ALDH3A1: variants seen among roughly 807,000 people sequenced by gnomAD.
ALDH3A1 encodes aldehyde dehydrogenase 3 family member A1, also known as aldehyde dehydrogenase, dimeric NADP-preferring.
In ALDH3A1, 46 loss-of-function variants were observed where a neutral mutation model predicts 49.9. That is an observed-to-expected ratio of 0.92 (90% CI 0.73 to 1.18). ALDH3A1 has a LOEUF of 1.18. ALDH3A1 is among the 50% of genes most tolerant of loss of function. The pLI, the probability that ALDH3A1 is intolerant of heterozygous loss-of-function variation, is 0.00. For missense variants in ALDH3A1, 592 were observed against 611.8 expected, an observed-to-expected ratio of 0.97 and a Z score of 0.34; for synonymous variants, 269 against 253.3, an observed-to-expected ratio of 1.06 and a Z score of -0.59.
chr17:19,744,448 G>C, intron 2 of ALDH3A1: 2 of 985,396 alleles, frequency 2.0e-6, no homozygotes, highest in Non-Finnish European at 1.2e-6. Context: ...CAGGAGCAAA[G>C]AGGGTAGTCG....
chr17:19,741,375 A>T, intron 5 of ALDH3A1, 165 bp from the exon 6 acceptor site: 2 of 586,726 alleles, frequency 3.4e-6, no homozygotes, highest in Non-Finnish European at 6.1e-6. Flanking sequence ...GACCGAGCAG[A>T]CCCAATGGCC....
rs961582514 is a variant in ALDH3A1 at position 19,740,401 on chromosome 17, A to G, written c.884T>C (p.Met295Thr). 12 of 1,614,142 alleles carry G rather than the reference A, an allele frequency of 7.4e-6. No individual in the cohort carries two copies. Among genetic ancestry groups the G allele is most frequent in the Admixed American group, 5.0e-5 (3 of 60,016 alleles). Residue 295 changes from methionine to threonine, a missense_variant, in exon 7 of 11, where the codon ATG becomes ACG. Met to Thr is a moderately conservative substitution (Grantham distance 81). Coordinates refer to ENST00000225740, the MANE Select transcript of ALDH3A1 (RefSeq NM_000691.5). ...CACCTTCTGGCCCTCAATCAGGCCCATCACCCTCTGGAAGTGCCGGGCACT... is the reference window on the plus strand; with the variant it reads ...CACCTTCTGGCCCTCAATCAGGCCCGTCACCCTCTGGAAGTGCCGGGCACT... ...IISARHFQRVMGLIEGQKVAY... is the reference protein window; with the variant it reads ...IISARHFQRVTGLIEGQKVAY...
intron 4 of ALDH3A1, 149 bp from the exon 5 acceptor site, chr17:19,742,361 C>T (rs991162213): frequency 1.5e-5 from 17 of 1,114,238 alleles, no homozygotes; most frequent in African/African-American, 9.4e-5. Context: ...GGCAGTAGAC[C>T]GCCTTTCCTG....
intron 2 of ALDH3A1, chr17:19,744,386 G>A (rs1279549647): frequency 1.2e-5 from 12 of 970,466 alleles, no homozygotes; most frequent in Non-Finnish European, 1.5e-5. Context: ...CTGGGCGACA[G>A]AGCGAGACTC....
At position 19,739,677 on chromosome 17, in the gene ALDH3A1, G is replaced by A. The variant is rs1291810393; in HGVS notation, c.950-3C>T. 1.6e-5 allele frequency: 26 copies of A among 1,613,302 alleles called. No individual in the cohort carries two copies. Among genetic ancestry groups the A allele is most frequent in the Non-Finnish European group, 1.9e-5 (22 of 1,179,808 alleles). On this transcript the variant is annotated splice_region_variant and splice_polypyrimidine_tract_variant and intron_variant, in intron 7 of 10. Coordinates refer to ENST00000225740, the MANE Select transcript of ALDH3A1 (RefSeq NM_000691.5). The stretch of plus-strand genomic sequence containing the variant: ...CACGTCCGTGAGGATGGTGGGGGCT[G>A]AGGCAGGAAACAAGCCAGAGTTGGA...
At position 19,742,178 on chromosome 17, in the gene ALDH3A1, T is replaced by A; in HGVS notation, c.515A>T (p.Glu172Val). Residue 172 changes from glutamate (E) to valine (V), a missense_variant, in exon 5 of 11, where the codon GAG becomes GTG. Glu to Val is a moderately radical substitution (Grantham distance 121, BLOSUM62 -2). Coordinates refer to ENST00000225740, the MANE Select transcript of ALDH3A1 (RefSeq NM_000691.5). ...LYPVINGGVPETTELLKERFD... is the reference protein window; with the variant it reads ...LYPVINGGVPVTTELLKERFD... ...CCTCTCCTTGAGCAGCTCCGTGGTC[T>A]CAGGGACACCCCCATTGATTACTGG... 6.2e-7 allele frequency: 1 copy of A among 1,614,058 alleles called. No individual in the cohort carries two copies. Among genetic ancestry groups the A allele is most frequent in the Non-Finnish European group, 8.5e-7 (1 of 1,180,014 alleles).
chr17:19,740,184 G>A, intron 7 of ALDH3A1, 152 bp downstream of exon 7: 1 of 969,230 alleles, frequency 1.0e-6, no homozygotes. Flanking sequence ...GCCCCTGCCT[G>A]CTGGAGTCTA....
At chr17:19,746,522 G>A (rs1191959120) in intron 1 of ALDH3A1, among the ~76,000 whole-genome samples, 1 of 151,896 alleles carries the variant, frequency 6.6e-6, no homozygotes, top group Admixed American at 6.6e-5. Context: ...TACTTTCAGC[G>A]AGACTCCATC....
At chr17:19,746,498 G>A (rs1567657034) in intron 1 of ALDH3A1, among the ~76,000 whole-genome samples, 2 of 151,864 alleles carry the variant, frequency 1.3e-5, no homozygotes, top group Admixed American at 1.3e-4. Flanking sequence ...AAGGCCTCGG[G>A]TAAGTAATAT....
At position 19,744,854 on chromosome 17, in the gene ALDH3A1, G is replaced by C. The variant is rs547704613; in HGVS notation, c.162+114C>G. 3.6e-3 allele frequency: 4,960 copies of C among 1,359,384 alleles called. 9 individuals carry two copies. Among genetic ancestry groups the C allele is most frequent in the Admixed American group, 6.7e-3 (194 of 28,976 alleles). 84.2% of individuals were successfully genotyped at this position (1,359,384 alleles called of 1,614,324 possible). A position where few individuals can be genotyped will look rare whatever the true frequency, so the allele number is the denominator to read the frequency against. ...CCCAGTCTCCGCGACCGAGGGGCCA[G>C]GTGGCCCCAAGTCCTTCCTGAACCT... On this transcript the variant is annotated intron_variant, in intron 2 of 10. Transcript: ENST00000225740.
intron 2 of ALDH3A1, chr17:19,744,171 C>CCTCCTGAGGAA (rs1380138829): frequency 4.2e-6 from 4 of 962,156 alleles, no homozygotes; most frequent in Non-Finnish European, 4.9e-6. Flanking sequence ...GCCGAGAACT[C>CCTCCTGAGGAA]CTCCTGAGGA....
At position 19,743,487 on chromosome 17, in the gene ALDH3A1, G is replaced by A; in HGVS notation, c.163-24C>T. 1 of 1,566,654 alleles carries A rather than the reference G, an allele frequency of 6.4e-7. No individual in the cohort carries two copies. The highest frequency in any genetic ancestry group is 1.2e-5 in the South Asian group (1 of 83,292). ...TTCTGCAGCGACAGAGCCGGAGTGA[G>A]CTTCCAGGGCCAGGGCCCGCCTGCA... On this transcript the variant is annotated intron_variant, in intron 2 of 10. Coordinates refer to ENST00000225740, the MANE Select transcript of ALDH3A1 (RefSeq NM_000691.5). The surrounding 1 kb of genome is among the most constrained non-coding windows in gnomAD (Gnocchi z 4.4).
intron 1 of ALDH3A1, among the ~76,000 whole-genome samples, chr17:19,747,012 C>T (rs989845773): frequency 1.3e-5 from 2 of 152,102 alleles, no homozygotes; most frequent in Admixed American, 6.5e-5. Context: ...GGTGCTGCCC[C>T]ACAGAGGGGC....
At chr17:19,744,125 C>T (rs746211822) in intron 2 of ALDH3A1, 33 of 985,260 alleles carry the variant, frequency 3.3e-5, no homozygotes, top group Non-Finnish European at 3.9e-5. Flanking sequence ...AGGCCCGGCG[C>T]TGTGGCTCAT....
chr17:19,739,191 G>T, intron 8 of ALDH3A1, 96 bp from the exon 9 acceptor site: 1 of 1,137,068 alleles, frequency 8.8e-7, no homozygotes, highest in Non-Finnish European at 1.3e-6. Context: ...GAGCCACAAG[G>T]ACAGGAGCAG....
At chr17:19,745,625 G>T (rs538236208) in intron 1 of ALDH3A1, 1 of 152,980 alleles carries the variant, frequency 6.5e-6, no homozygotes, top group African/African-American at 2.4e-5. Context: ...TGGTTTCTTG[G>T]CAGAGCTGAA....
In ALDH3A1 at chr17:19,743,674, G is replaced by T; in HGVS notation, c.163-211C>A. ...GAGGACCCCTTTCTGCCAGAGGGGG[G>T]CCCAGGTAGGTTTGCGGCCCCAGGG... On this transcript the variant is annotated intron_variant, in intron 2 of 10. Transcript: ENST00000225740. The surrounding 1 kb of genome is among the most constrained non-coding windows in gnomAD (Gnocchi z 4.4). The T allele has an allele frequency of 2.0e-6, 2 of 985,338 alleles. No individual in the cohort carries two copies. The highest frequency in any genetic ancestry group is 4.7e-5 in the South Asian group (1 of 21,280). The allele number at this position is 985,338 out of a possible 1,614,324, so 61.0% of individuals were successfully genotyped here. A position where few individuals can be genotyped will look rare whatever the true frequency, so the allele number is the denominator to read the frequency against.
In ALDH3A1 at chr17:19,745,228, C is replaced by G. The variant is rs1009785789; in HGVS notation, c.-5-94G>C. 29 of 1,352,668 alleles carry G rather than the reference C, an allele frequency of 2.1e-5. No individual in the cohort carries two copies. In the African/African-American group the frequency reaches 3.9e-4, roughly 18 times the overall value. 83.8% of individuals were successfully genotyped at this position (1,352,668 alleles called of 1,614,324 possible). A position where few individuals can be genotyped will look rare whatever the true frequency, so the allele number is the denominator to read the frequency against. On this transcript the variant is annotated intron_variant, in intron 1 of 10. Coordinates refer to ENST00000225740, the MANE Select transcript of ALDH3A1 (RefSeq NM_000691.5). The stretch of plus-strand genomic sequence containing the variant: ...TTCTATAGGAAGGGACTTCCCTGGG[C>G]TCGGCCTTGGGGAAAATGGCCTTTC...
chr17:19,742,226 A>C lies in ALDH3A1; in HGVS notation c.481-14T>G. On this transcript the variant is annotated splice_polypyrimidine_tract_variant and intron_variant, in intron 4 of 10. Coordinates refer to ENST00000225740, the MANE Select transcript of ALDH3A1 (RefSeq NM_000691.5). The stretch of plus-strand genomic sequence containing the variant: ...TGGGTACAGATCCTTCCATGCAAGG[A>C]GAGAGGGGAGGCTCAGCAAAGACCA... 2 of 1,612,778 alleles carry C rather than the reference A, an allele frequency of 1.2e-6. No individual in the cohort carries two copies. The highest frequency in any genetic ancestry group is 1.7e-6 in the Non-Finnish European group (2 of 1,179,024).
Sources: gnomAD v4.1 joint callset for allele counts (sites outside exome capture counted in the v4.1 genomes callset) on GRCh38, gnomAD v4.1.1 for gene constraint, Gnocchi (gnomAD v3.1) non-coding constraint, MANE v1.5 for transcripts, NCBI Gene and HGNC (gene_info 2026-07-23, HGNC 2026-07-21) for gene names.